The following EFCAB6 variants were observed in gnomAD, a reference collection of about 807,000 sequenced individuals.
EFCAB6 encodes the protein EF-hand calcium binding domain 6, also known as EF-hand calcium-binding domain-containing protein 6.
A neutral mutation model predicts 169.8 loss-of-function variants in EFCAB6; 156 were observed. The observed-to-expected ratio is 0.92, with a 90% CI of 0.81 to 1.05. The LOEUF is 1.05. Ranked by LOEUF, EFCAB6 falls within the 50% of genes least tolerant of loss-of-function variation. The pLI is 0.00. For synonymous variants in EFCAB6, 698 were observed against 676.4 expected (o/e 1.03, Z -0.50); for missense variants, 1,800 against 1,829.1 (o/e 0.98, Z 0.29).
chr22:43,747,770 C>A (rs1432667654), intron 6 of EFCAB6, among the ~76,000 whole-genome samples: 2 of 152,124 alleles, frequency 1.3e-5, no homozygotes, highest in African/African-American at 4.8e-5. Flanking sequence ...TCCTCTAAGG[C>A]CTGGTTCAAA....
chr22:43,732,701 A>T (rs2059999234), intron 7 of EFCAB6, among the ~76,000 whole-genome samples: 1 of 152,102 alleles, frequency 6.6e-6, no homozygotes, highest in Non-Finnish European at 1.5e-5. Context: ...TCCTGGCCTC[A>T]AGTGATCTGC....
chr22:43,787,442 C>T (rs1030476870), intron 2 of EFCAB6, among the ~76,000 whole-genome samples: 2 of 151,670 alleles, frequency 1.3e-5, no homozygotes, highest in Admixed American at 1.3e-4. Context: ...ATATACAAAA[C>T]TCAGTTATAT....
intron 15 of EFCAB6, among the ~76,000 whole-genome samples, chr22:43,669,417 A>C (rs1381212688): frequency 6.6e-6 from 1 of 152,254 alleles, no homozygotes; most frequent in Non-Finnish European, 1.5e-5. Context: ...TATATAAAAC[A>C]AAATGAATGA....
At chr22:43,745,474 T>C (rs547481322) in intron 6 of EFCAB6, among the ~76,000 whole-genome samples, 1 of 152,306 alleles carries the variant, frequency 6.6e-6, no homozygotes, top group African/African-American at 2.4e-5. Flanking sequence ...GGAGCCACTT[T>C]TTCTCACCTG....
Position 43,598,886 on chromosome 22 carries a change from T to C in EFCAB6, c.2876+1183A>G, listed in dbSNP as rs141172894. ...ATACCGATTACCCTGATTTGATCAT[T>C]ACACATTGTATACAAGTATCAAAAT... On this transcript the variant is annotated intron_variant, in intron 23 of 31. Transcript: ENST00000262726. Among the ~76,000 whole-genome samples, 599 of 152,338 alleles carry C rather than the reference T, an allele frequency of 3.9e-3. 3 individuals are homozygous for C. Among genetic ancestry groups the C allele is most frequent in the Middle Eastern group, 0.014 (4 of 294 alleles).
intron 26 of EFCAB6, among the ~76,000 whole-genome samples, chr22:43,564,317 C>A (rs2049280258): frequency 6.6e-6 from 1 of 151,944 alleles, no homozygotes; most frequent in Non-Finnish European, 1.5e-5. Context: ...GTGTGCTGGC[C>A]CACACCTGTA....
intron 19 of EFCAB6, among the ~76,000 whole-genome samples, chr22:43,629,466 C>T (rs1602729421): frequency 1.3e-5 from 2 of 152,168 alleles, no homozygotes; most frequent in Admixed American, 1.3e-4. Flanking sequence ...CCCTCCAGTT[C>T]GCTGCCCAGC....
intron 8 of EFCAB6, among the ~76,000 whole-genome samples, chr22:43,723,624 G>A (rs2059616523): frequency 1.3e-5 from 2 of 152,204 alleles, no homozygotes; most frequent in Admixed American, 6.5e-5. Context: ...AAACAAAGGT[G>A]GAGCCCACTC....
chr22:43,639,713 C>T (rs1447895383), intron 17 of EFCAB6, among the ~76,000 whole-genome samples: 1 of 152,142 alleles, frequency 6.6e-6, no homozygotes, highest in African/African-American at 2.4e-5. Flanking sequence ...GCCATTATTT[C>T]TTCACATATA....
intron 26 of EFCAB6, among the ~76,000 whole-genome samples, chr22:43,559,410 G>C (rs1416986228): frequency 6.6e-6 from 1 of 152,200 alleles, no homozygotes; most frequent in African/African-American, 2.4e-5. Context: ...TTACACTGAT[G>C]GTGGGAGTAT....
In EFCAB6 at chr22:43,737,051, T is replaced by C. The variant is rs148567670; in HGVS notation, c.508-1058A>G. Among the ~76,000 whole-genome samples the C allele has an allele frequency of 4.0e-4, 61 of 152,086 alleles. No homozygotes were observed. In the Middle Eastern group the frequency reaches 0.02, roughly 51 times the overall value. On this transcript the variant is annotated intron_variant, in intron 6 of 31. Transcript: ENST00000262726. The stretch of plus-strand genomic sequence containing the variant: ...CACCTTCGCTGCTTGGCATATATGC[T>C]TGACTCCCTCCTCCCCTCTGCCCTC...
intron 2 of EFCAB6, among the ~76,000 whole-genome samples, chr22:43,784,635 A>ATGTATACATATATATGTG (rs2061990855): frequency 1.7e-5 from 1 of 59,174 alleles, no homozygotes; most frequent in Non-Finnish European, 3.4e-5. Context: ...ATATATATGT[A>ATGTATACATATATATGTG]TATGTACACA....
intron 17 of EFCAB6, among the ~76,000 whole-genome samples, chr22:43,642,069 G>C (rs1408264031): frequency 6.6e-6 from 1 of 151,924 alleles, no homozygotes; most frequent in Non-Finnish European, 1.5e-5. Flanking sequence ...AGCCTCCTGA[G>C]TAGCTGGGAT....
intron 2 of EFCAB6, among the ~76,000 whole-genome samples, chr22:43,800,180 C>G (rs1199983250): frequency 6.6e-6 from 1 of 152,192 alleles, no homozygotes; most frequent in Non-Finnish European, 1.5e-5. Context: ...GACACAAACC[C>G]TACCCAACCT....
rs964331011 is a variant in EFCAB6 at position 43,708,656 on chromosome 22, A to T, written c.1031+2819T>A. Among the ~76,000 whole-genome samples, 3 of 152,328 alleles carry T rather than the reference A, an allele frequency of 2.0e-5. No homozygotes were observed. In the East Asian group the frequency reaches 5.8e-4, roughly 29 times the overall value. On this transcript the variant is annotated intron_variant, in intron 10 of 31. Coordinates refer to ENST00000262726, the MANE Select transcript of EFCAB6 (RefSeq NM_022785.4). ...AATAAAAGAGTAAAAAGTTGGAAAA[A>T]GATATACCTGACAAATACTAATGAA...
At chr22:43,606,647 G>A (rs1438688301) in intron 22 of EFCAB6, among the ~76,000 whole-genome samples, 4 of 152,240 alleles carry the variant, frequency 2.6e-5, no homozygotes, top group African/African-American at 9.7e-5. Flanking sequence ...CCACGCATCT[G>A]GCTGCAGAGC....
intron 17 of EFCAB6, among the ~76,000 whole-genome samples, chr22:43,640,738 T>C (rs1040710809): frequency 5.3e-5 from 8 of 152,216 alleles, no homozygotes; most frequent in African/African-American, 1.9e-4. Context: ...TCTAGTTTCA[T>C]TTTCCAGGAC....
At chr22:43,706,780 C>A (rs2058975568) in intron 10 of EFCAB6, among the ~76,000 whole-genome samples, 1 of 152,164 alleles carries the variant, frequency 6.6e-6, no homozygotes, top group Non-Finnish European at 1.5e-5. Context: ...ATTTAGCCCC[C>A]AAAGGTTCAT....
Position 43,623,696 on chromosome 22 carries a change from C to T in EFCAB6, c.2465+2751G>A, listed in dbSNP as rs999643466. On this transcript the variant is annotated intron_variant, in intron 20 of 31. Transcript: ENST00000262726. ...GTATCACGAGGTCAGGAGATCGAGACCATCCTGGCTAACATAGTGAAACCC... is the reference window on the plus strand; with the variant it reads ...GTATCACGAGGTCAGGAGATCGAGATCATCCTGGCTAACATAGTGAAACCC... Among the ~76,000 whole-genome samples, 4 of 147,800 alleles carry T rather than the reference C, an allele frequency of 2.7e-5. No individual in the cohort carries two copies. In the South Asian group the frequency reaches 6.5e-4, roughly 24 times the overall value.
Sources: allele counts gnomAD v4.1 joint callset (sites outside exome capture counted in the v4.1 genomes callset), GRCh38; gene constraint gnomAD v4.1.1; transcripts MANE v1.5; gene names NCBI Gene and HGNC (gene_info 2026-07-23, HGNC 2026-07-21).